The following CUL2 variants were observed in gnomAD, a reference collection of about 807,000 sequenced individuals.
CUL2 encodes the protein cullin-2.
CUL2 carries 22 observed loss-of-function variants against 110.2 expected under a neutral mutation model. That is an observed-to-expected ratio of 0.20 (90% CI 0.14 to 0.28). The LOEUF is 0.28. Among genes scored for constraint, CUL2 ranks in the 10% least tolerant of loss-of-function variants. The pLI is 1.00. For missense variants in CUL2, 631 were observed against 905.5 expected (o/e 0.70, Z 3.89); for synonymous variants, 279 against 293.2 (o/e 0.95, Z 0.49).
chr10:35,049,558 A>G, intron 6 of CUL2, 125 bp downstream of exon 6: 1 of 589,628 alleles, frequency 1.7e-6, no homozygotes. Flanking sequence ...TTGGAAGTAA[A>G]ATGAGGCTCA....
chr10:35,055,784 T>C (rs1237929623), intron 4 of CUL2, among the ~76,000 whole-genome samples: 2 of 152,202 alleles, frequency 1.3e-5, no homozygotes, highest in Admixed American at 1.3e-4. Flanking sequence ...TTCCTCTCTA[T>C]CCTCACTGTA....
intron 2 of CUL2, 112 bp downstream of exon 2, chr10:35,071,087 A>T: frequency 1.0e-6 from 1 of 995,310 alleles, no homozygotes; most frequent in Non-Finnish European, 1.5e-6. Flanking sequence ...AGATGATAAT[A>T]TATTAGAAAA....
intron 9 of CUL2, among the ~76,000 whole-genome samples, chr10:35,036,218 T>A (rs2085617188): frequency 6.6e-6 from 1 of 152,212 alleles, no homozygotes; most frequent in Non-Finnish European, 1.5e-5. Flanking sequence ...TTCTTTCGTG[T>A]CTGGCTTCTT....
intron 1 of CUL2, among the ~76,000 whole-genome samples, chr10:35,083,613 A>G (rs1325373955): frequency 1.3e-5 from 2 of 152,226 alleles, no homozygotes; most frequent in African/African-American, 4.8e-5. Context: ...CCCCCCACAA[A>G]GAGGGTGGGG....
chr10:35,011,762 T>C (rs961992607), intron 20 of CUL2, 86 bp downstream of exon 20: 2 of 681,316 alleles, frequency 2.9e-6, no homozygotes, highest in African/African-American at 3.6e-5. Context: ...GTTATTTCTG[T>C]ATCCTCTTTA....
chr10:35,054,829 G>A (rs1357161820), intron 4 of CUL2, among the ~76,000 whole-genome samples: 1 of 152,076 alleles, frequency 6.6e-6, no homozygotes, highest in Non-Finnish European at 1.5e-5. Context: ...TCTTGGGAAA[G>A]TCAAGATAAA....
chr10:35,116,871 C>T (rs906352611), intron 1 of CUL2, among the ~76,000 whole-genome samples: 21 of 151,500 alleles, frequency 1.4e-4, no homozygotes, highest in Admixed American at 2.0e-4. Flanking sequence ...GTGGGAGAAT[C>T]GCTTAAACCT....
At chr10:35,055,575 T>C (rs764412352) in intron 4 of CUL2, among the ~76,000 whole-genome samples, 4 of 151,912 alleles carry the variant, frequency 2.6e-5, no homozygotes, top group Non-Finnish European at 5.9e-5. Flanking sequence ...AAGGAAATAA[T>C]AATAATAACT....
At chr10:35,058,298 A>G (rs918031058) in intron 4 of CUL2, among the ~76,000 whole-genome samples, 4 of 152,174 alleles carry the variant, frequency 2.6e-5, no homozygotes, top group Non-Finnish European at 5.9e-5. Flanking sequence ...TCCTGGACGA[A>G]TAACTCTTAC....
intron 6 of CUL2, among the ~76,000 whole-genome samples, chr10:35,046,942 G>A (rs1036308869): frequency 6.6e-5 from 10 of 150,964 alleles, no homozygotes; most frequent in Admixed American, 2.0e-4. Context: ...ACAAAAAACT[G>A]GGTTATTAAA....
chr10:35,057,046 G>A (rs1369097687), intron 4 of CUL2, among the ~76,000 whole-genome samples: 1 of 152,172 alleles, frequency 6.6e-6, no homozygotes, highest in Non-Finnish European at 1.5e-5. Context: ...AAATTCTGCT[G>A]TCAGGATGTT....
At chr10:35,096,520 G>A (rs555930011) in intron 2 of CUL2, among the ~76,000 whole-genome samples, 3 of 152,250 alleles carry the variant, frequency 2.0e-5, no homozygotes, top group South Asian at 2.1e-4. Flanking sequence ...GGCTGAAATG[G>A]GAGGATCACT....
intron 4 of CUL2, among the ~76,000 whole-genome samples, chr10:35,057,859 TG>T (rs1294104406): frequency 6.6e-6 from 1 of 151,914 alleles, no homozygotes; most frequent in African/African-American, 2.4e-5. Flanking sequence ...TTTGGGAGGC[TG>T]AGGCAGGTGG....
chr10:35,085,693 T>C (rs1294772423), intron 1 of CUL2, among the ~76,000 whole-genome samples: 2 of 127,666 alleles, frequency 1.6e-5, no homozygotes, highest in East Asian at 4.4e-4. Flanking sequence ...CCAGACTCTG[T>C]CTCAAAAAAA....
intron 17 of CUL2, 65 bp downstream of exon 17, chr10:35,025,067 C>T: frequency 7.1e-7 from 1 of 1,411,334 alleles, no homozygotes; most frequent in South Asian, 1.7e-5. Context: ...TAGAAAACCT[C>T]TTTCTAAATT....
intron 2 of CUL2, 32 bp downstream of exon 2, chr10:35,071,167 G>A: frequency 6.3e-7 from 1 of 1,596,748 alleles, no homozygotes; most frequent in Non-Finnish European, 8.6e-7. Flanking sequence ...ATCAATTTTA[G>A]AACATTGATC....
intron 1 of CUL2, among the ~76,000 whole-genome samples, chr10:35,119,168 G>A (rs1164361038): frequency 6.6e-6 from 1 of 152,158 alleles, no homozygotes; most frequent in Non-Finnish European, 1.5e-5. Context: ...AACATTCAAA[G>A]TTTGTTAAAT....
chr10:35,117,919 A>G (rs962863589), intron 1 of CUL2, among the ~76,000 whole-genome samples: 2 of 152,214 alleles, frequency 1.3e-5, no homozygotes, highest in African/African-American at 4.8e-5. Flanking sequence ...TTAGGTGCAC[A>G]GCAAAAACGA....
At position 35,013,768 on chromosome 10, in the gene CUL2, T is replaced by A; in HGVS notation, c.1920A>T (p.Leu640Phe). 1 of 1,553,744 alleles carries A rather than the reference T, an allele frequency of 6.4e-7. No individual in the cohort carries two copies. The highest frequency in any genetic ancestry group is 8.8e-7 in the Non-Finnish European group (1 of 1,142,110). Reference sequence around the variant, plus strand: ...TTCTTTTACTGCTAAAGTTCATATTTAATGAAAACGAAGATTCTGCATCAA... The same window carrying A: ...TTCTTTTACTGCTAAAGTTCATATTAAATGAAAACGAAGATTCTGCATCAA... ...EDIDAESSFS[L>F]NMNFSSKRTK... The change falls in exon 19 of 21, where the codon TTA (leucine) becomes TTT (phenylalanine). Residue 640 changes from leucine (L) to phenylalanine (F), a missense_variant. By Grantham distance (22) the Leu-to-Phe change is conservative. Coordinates refer to ENST00000374749, the MANE Select transcript of CUL2 (RefSeq NM_003591.4).
Sources: allele counts gnomAD v4.1 joint callset (sites outside exome capture counted in the v4.1 genomes callset), GRCh38; gene constraint gnomAD v4.1.1; transcripts MANE v1.5; gene names NCBI Gene and HGNC (gene_info 2026-07-23, HGNC 2026-07-21).